PHRF1: variants seen among roughly 807,000 people sequenced by gnomAD.
The protein encoded by PHRF1 is PHD and ring finger domains 1.
In PHRF1, 53 loss-of-function variants were observed where a neutral mutation model predicts 128.9. The ratio of observed to expected loss-of-function variants is 0.41; its 90% CI spans 0.33 to 0.52. The LOEUF is 0.52. Among genes scored for constraint, PHRF1 ranks in the 20% least tolerant of loss-of-function variants. The pLI, the probability that PHRF1 is intolerant of heterozygous loss-of-function variation, is 0.21. For synonymous variants in PHRF1, 1,178 were observed against 980.6 expected, an observed-to-expected ratio of 1.20 and a Z score of -3.76; for missense variants, 2,503 against 2,284.5, an observed-to-expected ratio of 1.10 and a Z score of -1.95.
chr11:592,255 G>A (rs1471484669), intron 5 of PHRF1, among the ~76,000 whole-genome samples: 2 of 147,374 alleles, frequency 1.4e-5, no homozygotes, highest in Non-Finnish European at 3.0e-5. Context: ...TTGCTCTTCC[G>A]TGGCAGTCCA....
intron 1 of PHRF1, among the ~76,000 whole-genome samples, chr11:578,990 C>T (rs1267994401): frequency 1.3e-5 from 2 of 152,200 alleles, no homozygotes; most frequent in African/African-American, 4.8e-5. Flanking sequence ...CAGGTGCACG[C>T]CGCCATGCCC....
At position 609,720 on chromosome 11, in the gene PHRF1, C is replaced by A. The variant is rs113804454; in HGVS notation, c.4264C>A (p.Arg1422=). 112 of 1,477,120 alleles carry A rather than the reference C, an allele frequency of 7.6e-5. No homozygotes were observed. Among genetic ancestry groups the A allele is most frequent in the Middle Eastern group, 4.9e-4 (2 of 4,120 alleles). The allele number at this position is 1,477,120 out of a possible 1,614,324, so 91.5% of individuals were successfully genotyped here. ...SSAPAEDRAP[R]APLHRPQKPR... ...CGCCCCCGCCGAGGACAGAGCCCCCCGTGAGTAGTGCCCCGGCCCCCACCG... is the reference window on the plus strand; with the variant it reads ...CGCCCCCGCCGAGGACAGAGCCCCCAGTGAGTAGTGCCCCGGCCCCCACCG... The change falls in exon 14 of 18, where the codon CGG becomes AGG. Residue 1422 remains arginine (R), a splice_region_variant and synonymous_variant. Transcript: ENST00000264555.
At chr11:595,291 C>T (rs1244639519) in intron 6 of PHRF1, among the ~76,000 whole-genome samples, 2 of 152,172 alleles carry the variant, frequency 1.3e-5, no homozygotes, top group South Asian at 4.1e-4. Flanking sequence ...CCACTGCACT[C>T]CAGAGAGACT....
intron 11 of PHRF1, 141 bp from the exon 12 acceptor site, chr11:605,464 A>G (rs1284815439): frequency 6.8e-7 from 1 of 1,476,772 alleles, no homozygotes; most frequent in Non-Finnish European, 9.1e-7. Flanking sequence ...CGTGGAACTC[A>G]GAGGTCTGGT....
chr11:605,847 C>G, intron 12 of PHRF1, 123 bp downstream of exon 12: 1 of 1,401,698 alleles, frequency 7.1e-7, no homozygotes. Context: ...CACCTCCCCT[C>G]AGCTGTCATG....
At chr11:604,224 C>T (rs983125925) in intron 10 of PHRF1, among the ~76,000 whole-genome samples, 44 of 152,172 alleles carry the variant, frequency 2.9e-4, no homozygotes, top group African/African-American at 8.0e-4. Flanking sequence ...TCCTGGGCGT[C>T]GTCCTGAGCT....
intron 12 of PHRF1, 141 bp from the exon 13 acceptor site, chr11:606,301 C>T (rs960595744): frequency 1.8e-5 from 21 of 1,145,592 alleles, no homozygotes; most frequent in African/African-American, 3.2e-5. Context: ...GAACAGCAGC[C>T]GGAGCCAGGG....
intron 10 of PHRF1, among the ~76,000 whole-genome samples, chr11:602,935 G>T (rs1855726073): frequency 6.6e-6 from 1 of 151,742 alleles, no homozygotes; most frequent in Non-Finnish European, 1.5e-5. Flanking sequence ...GCTAATTTTT[G>T]TATTTTTATT....
intron 9 of PHRF1, among the ~76,000 whole-genome samples, chr11:599,297 C>T (rs1015034978): frequency 3.6e-4 from 47 of 130,694 alleles, no homozygotes; most frequent in Non-Finnish European, 5.4e-4. Context: ...CTCTCCCAGG[C>T]TGGAGTGCAG....
At position 581,622 on chromosome 11, in the gene PHRF1, C is replaced by T; in HGVS notation, c.94+16C>T. On this transcript the variant is annotated intron_variant, in intron 2 of 17. Coordinates refer to ENST00000264555, the MANE Select transcript of PHRF1 (RefSeq NM_001286581.2). ...GGTGACTTTGGTGAGCTGCCTAGCG[C>T]CGGGTAGGGGCGTCCCCAGGAGGAG... 1.2e-6 allele frequency: 2 copies of T among 1,605,464 alleles called. No individual in the cohort carries two copies. Among genetic ancestry groups the T allele is most frequent in the East Asian group, 2.2e-5 (1 of 44,604 alleles).
chr11:589,735 A>G (rs539634078), intron 4 of PHRF1, among the ~76,000 whole-genome samples: 2 of 152,398 alleles, frequency 1.3e-5, no homozygotes, highest in Admixed American at 6.5e-5. Context: ...GATTTCCTAA[A>G]CAGTCTGAGA....
In PHRF1 at chr11:609,305, C is replaced by A; in HGVS notation, c.3849C>A (p.Leu1283=). The A allele has an allele frequency of 6.2e-7, 1 of 1,612,526 alleles. No homozygotes were observed. Among genetic ancestry groups the A allele is most frequent in the Non-Finnish European group, 8.5e-7 (1 of 1,179,880 alleles). Residue 1283 remains leucine, a synonymous_variant, in exon 14 of 18, where the codon CTC becomes CTA. Coordinates refer to ENST00000264555, the MANE Select transcript of PHRF1 (RefSeq NM_001286581.2). ...DFSSDAVFIQ[L]DDMSSPPSPE... ...CAAGCGACGCCGTTTTCATCCAGCT[C>A]GATGACATGAGCTCGCCACCTTCTC... is the stretch of plus-strand genomic sequence containing the variant.
At chr11:596,800 C>T in intron 6 of PHRF1, 123 bp from the exon 7 acceptor site, 2 of 761,954 alleles carry the variant, frequency 2.6e-6, no homozygotes, top group Admixed American at 2.2e-5. Flanking sequence ...TGGGTCAGCC[C>T]ATAACAGAAT....
rs538229317 is a variant in PHRF1, at chr11:607,766, C to T, written c.2310C>T (p.Val770=). The change falls in exon 14 of 18, where the codon GTC becomes GTT. Residue 770 remains valine (V), a synonymous_variant. Coordinates refer to ENST00000264555, the MANE Select transcript of PHRF1 (RefSeq NM_001286581.2). ...APLGPSRGKG[V]GSTFESFRIN... is the part of the protein sequence containing the mutation. ...TGGGACCATCAAGAGGGAAAGGGGT[C>T]GGGTCGACCTTTGAGAGCTTCCGGA... The T allele has an allele frequency of 2.8e-5, 45 of 1,612,522 alleles. No homozygotes were observed. The African/African-American group carries it at 2.8e-4, about 10-fold the overall frequency.
In PHRF1 at chr11:612,138, G is replaced by A; in HGVS notation, c.*361G>A. On this transcript the variant is annotated 3_prime_UTR_variant, in exon 18 of 18. Transcript: ENST00000264555. ...GCTCCTGGTGGGGTGGCGCGTCCTT[G>A]ATAAATCTCTAGGTGGCCTCCCGCC... The A allele has an allele frequency of 2.9e-6, 1 of 347,760 alleles. No individual in the cohort carries two copies. The highest frequency in any genetic ancestry group is 4.9e-5 in the South Asian group (1 of 20,370). The allele number at this position is 347,760 out of a possible 1,614,324, so 21.5% of individuals were successfully genotyped here. A position where few individuals can be genotyped will look rare whatever the true frequency, so the allele number is the denominator to read the frequency against.
intron 4 of PHRF1, 85 bp downstream of exon 4, chr11:587,549 T>C: frequency 7.1e-7 from 1 of 1,413,454 alleles, no homozygotes; most frequent in Middle Eastern, 2.5e-4. Flanking sequence ...CAGCCTCTTG[T>C]GAGGTTCTAG....
chr11:596,994 C>A lies in PHRF1; in HGVS notation c.692C>A (p.Ala231Asp). The part of the protein sequence containing the change: ...PVDEWFCPEC[A>D]APGVVLAADA... The stretch of plus-strand genomic sequence containing the variant: ...GACGAGTGGTTCTGCCCGGAATGTG[C>A]TGCGCCTGGTGTTGTCCTTGCCGCT... The change falls in exon 7 of 18, where the codon GCT (alanine) becomes GAT (aspartate). Residue 231 changes from alanine (A) to aspartate (D), a missense_variant. Transcript: ENST00000264555. 6.2e-7 allele frequency: 1 copy of A among 1,613,882 alleles called. No homozygotes were observed. Among genetic ancestry groups the A allele is most frequent in the Non-Finnish European group, 8.5e-7 (1 of 1,179,866 alleles).
chr11:606,406 G>C, intron 12 of PHRF1, 36 bp from the exon 13 acceptor site: 1 of 1,517,932 alleles, frequency 6.6e-7, no homozygotes, highest in South Asian at 1.2e-5. Flanking sequence ...GGCCGTGGGA[G>C]GCAGTGACGG....
Position 612,035 on chromosome 11 carries a change from T to C in PHRF1, c.*258T>C. ...TAGAGACACTGTTTCCATTCTAATT[T>C]ATCAAAAATGGATTATCTTTAGAAA... On this transcript the variant is annotated 3_prime_UTR_variant, in exon 18 of 18. Transcript: ENST00000264555. The C allele has an allele frequency of 1.9e-6, 1 of 513,030 alleles. No individual in the cohort carries two copies. The highest frequency in any genetic ancestry group is 3.2e-5 in the South Asian group (1 of 31,550). 31.8% of individuals were successfully genotyped at this position (513,030 alleles called of 1,614,324 possible).
Sources: gnomAD v4.1 joint callset for allele counts (sites outside exome capture counted in the v4.1 genomes callset) on GRCh38, gnomAD v4.1.1 for gene constraint, MANE v1.5 for transcripts, NCBI Gene and HGNC (gene_info 2026-07-23, HGNC 2026-07-21) for gene names.